Variants in DENND5B observed in about 807,000 individuals in gnomAD.
The protein encoded by DENND5B is DENN domain containing 5B.
In DENND5B, 34 loss-of-function variants were observed where a neutral mutation model predicts 140.6. The ratio of observed to expected loss-of-function variants is 0.24; its 90% confidence interval spans 0.18 to 0.32. DENND5B has a LOEUF of 0.32. Ranked by LOEUF, DENND5B falls within the 10% of genes least tolerant of loss-of-function variation. The pLI is 1.00. For missense variants in DENND5B, 1,142 were observed against 1,560.2 expected (o/e 0.73, Z 4.52); for synonymous variants, 551 against 562.1 (o/e 0.98, Z 0.28).
At chr12:31,394,435 A>G (rs1283038792) in intron 17 of DENND5B, among the ~76,000 whole-genome samples, 1 of 152,188 alleles carries the variant, frequency 6.6e-6, no homozygotes, top group Admixed American at 6.5e-5. Flanking sequence ...CTCAGATGTT[A>G]TAATAATTAG....
intron 11 of DENND5B, among the ~76,000 whole-genome samples, chr12:31,419,720 T>A (rs1942929977): frequency 6.6e-6 from 1 of 152,082 alleles, no homozygotes. Flanking sequence ...ACACCTGTAA[T>A]CCCAGCACTT....
intron 8 of DENND5B, chr12:31,431,905 G>T (rs1943527600): frequency 4.7e-6 from 1 of 214,116 alleles, no homozygotes; most frequent in Non-Finnish European, 8.0e-6. Context: ...AGAGCAAAAT[G>T]GGGAGTGTGA....
chr12:31,401,726 G>A (rs1192230104), intron 15 of DENND5B, among the ~76,000 whole-genome samples: 3 of 152,054 alleles, frequency 2.0e-5, no homozygotes, highest in Admixed American at 6.6e-5. Flanking sequence ...TGTCTCCTGG[G>A]CTCAAGTGAC....
intron 3 of DENND5B, among the ~76,000 whole-genome samples, chr12:31,471,897 C>T (rs1194274393): frequency 1.3e-5 from 2 of 152,120 alleles, no homozygotes; most frequent in African/African-American, 2.4e-5. Context: ...ATAAAAGCTA[C>T]TCGAAGTCTG....
At chr12:31,532,708 A>T in intron 1 of DENND5B, among the ~76,000 whole-genome samples, 1 of 152,170 alleles carries the variant, frequency 6.6e-6, no homozygotes, top group African/African-American at 2.4e-5. Flanking sequence ...AATTGGGAAA[A>T]ATAAAGTATT....
chr12:31,531,653 T>TTC (rs1948288002), intron 1 of DENND5B, among the ~76,000 whole-genome samples: 1 of 152,232 alleles, frequency 6.6e-6, no homozygotes, highest in African/African-American at 2.4e-5. Context: ...TAAGTCCTGA[T>TTC]TCCTGGCATC....
intron 1 of DENND5B, among the ~76,000 whole-genome samples, chr12:31,575,662 T>C (rs547778556): frequency 2.2e-4 from 34 of 152,242 alleles, no homozygotes; most frequent in African/African-American, 7.7e-4. Context: ...ATATAAGAAA[T>C]TGCCCAGTTT....
intron 1 of DENND5B, among the ~76,000 whole-genome samples, chr12:31,566,354 G>GTGTGTA (rs1949631551): frequency 6.6e-6 from 1 of 150,814 alleles, no homozygotes; most frequent in Non-Finnish European, 1.5e-5. Context: ...GTGTGTGTGT[G>GTGTGTA]TGTGTGTGTG....
intron 1 of DENND5B, among the ~76,000 whole-genome samples, chr12:31,509,819 A>G (rs1947340475): frequency 1.3e-5 from 2 of 152,178 alleles, no homozygotes; most frequent in African/African-American, 4.8e-5. Context: ...TAGGATGATC[A>G]AGTTGGCCCT....
At chr12:31,461,933 CA>C (rs1945039191) in intron 3 of DENND5B, among the ~76,000 whole-genome samples, 1 of 152,118 alleles carries the variant, frequency 6.6e-6, no homozygotes, top group Non-Finnish European at 1.5e-5. Context: ...CAAGCATAAA[CA>C]GGATGTTTTC....
chr12:31,479,908 G>C lies in DENND5B; in HGVS notation c.585C>G (p.Ile195Met). Residue 195 changes from isoleucine to methionine, a missense_variant, in exon 3 of 21, where the codon ATC becomes ATG. This residue lies in a region of DENND5B where 708 missense variants were observed against 905.5 expected (regional missense o/e 0.78). Coordinates refer to ENST00000389082, the MANE Select transcript of DENND5B (RefSeq NM_144973.4). ...AGGCCTGCATGAATGGTAACGGTGT[G>C]ATCAAGCATATACTTTTTGAAACAT... Reference protein sequence around the residue: ...TLYVSKSICLITPLPFMQACK... With the variant: ...TLYVSKSICLMTPLPFMQACK... 6.2e-7 allele frequency: 1 copy of C among 1,613,910 alleles called. No individual in the cohort carries two copies. Among genetic ancestry groups the C allele is most frequent in the Non-Finnish European group, 8.5e-7 (1 of 1,179,822 alleles).
chr12:31,485,535 T>C (rs1426099939), intron 2 of DENND5B, among the ~76,000 whole-genome samples: 2 of 152,354 alleles, frequency 1.3e-5, no homozygotes, highest in East Asian at 1.9e-4. Context: ...AAAACCACAA[T>C]TACTTTTGTA....
chr12:31,469,905 C>G (rs969008432), intron 3 of DENND5B, among the ~76,000 whole-genome samples: 3 of 152,062 alleles, frequency 2.0e-5, no homozygotes, highest in African/African-American at 7.2e-5. Context: ...AGGCCCTCAT[C>G]AGAAGCAGGT....
intron 1 of DENND5B, among the ~76,000 whole-genome samples, chr12:31,584,184 C>T (rs964133241): frequency 6.6e-6 from 1 of 152,310 alleles, no homozygotes; most frequent in African/African-American, 2.4e-5. Flanking sequence ...ACCTTAGCAG[C>T]AAACAGAACT....
intron 2 of DENND5B, among the ~76,000 whole-genome samples, chr12:31,482,746 A>G (rs1487209325): frequency 6.6e-6 from 1 of 152,070 alleles, no homozygotes; most frequent in South Asian, 2.1e-4. Flanking sequence ...TTACCACTCT[A>G]ATCTAAGTCA....
intron 1 of DENND5B, among the ~76,000 whole-genome samples, chr12:31,545,075 C>T (rs139016758): frequency 5.3e-5 from 8 of 152,050 alleles, no homozygotes; most frequent in Non-Finnish European, 7.4e-5. Flanking sequence ...GCTTCTCAGT[C>T]CATTCATAAT....
At chr12:31,487,534 C>T (rs190037654) in intron 2 of DENND5B, among the ~76,000 whole-genome samples, 1 of 152,164 alleles carries the variant, frequency 6.6e-6, no homozygotes, top group East Asian at 1.9e-4. Flanking sequence ...AACCCTGCCT[C>T]TACTAAAAAT....
At chr12:31,563,038 G>A (rs189804105) in intron 1 of DENND5B, among the ~76,000 whole-genome samples, 154 of 152,002 alleles carry the variant, frequency 1.0e-3, no homozygotes, top group African/African-American at 3.6e-3. Flanking sequence ...CAGATGGAGA[G>A]CCTGCAAAGT....
chr12:31,480,427 A>G (rs1238011790), intron 2 of DENND5B, among the ~76,000 whole-genome samples, 172 bp from the exon 3 acceptor site: 2 of 152,216 alleles, frequency 1.3e-5, no homozygotes, highest in African/African-American at 4.8e-5. Flanking sequence ...ATACACATGT[A>G]TATAAAATTA....
Sources: allele counts gnomAD v4.1 joint callset (sites outside exome capture counted in the v4.1 genomes callset), GRCh38; gene constraint gnomAD v4.1.1; regional missense constraint gnomAD v4.1.1; transcripts MANE v1.5; gene names NCBI Gene and HGNC (gene_info 2026-07-23, HGNC 2026-07-21).